EP400: variants seen among roughly 807,000 people sequenced by gnomAD.
The protein encoded by EP400 is E1A-binding protein p400.
EP400 carries 105 observed loss-of-function variants against 354.1 expected under a neutral mutation model. The ratio of observed to expected loss-of-function variants is 0.30; its 90% CI spans 0.25 to 0.35. The LOEUF (loss-of-function observed/expected upper bound fraction) is 0.35. EP400 is among the 10% of genes least tolerant of loss of function. The probability of loss-of-function intolerance (pLI) is 1.00; values close to 1 mark genes in which losing one functional copy is unlikely to be tolerated. For missense variants in EP400, 3,280 were observed against 4,121.0 expected (o/e 0.80, Z 5.59); for synonymous variants, 1,646 against 1,716.9 (o/e 0.96, Z 1.02).
Position 132,031,450 on chromosome 12 carries a change from G to A in EP400, c.5755-503G>A, listed in dbSNP as rs888017490. ...ATGAGGGTGTTGGCGATGGGTGAGCGTAAGATGATAGTGGCTGCACAGAAG... is the reference window on the plus strand; with the variant it reads ...ATGAGGGTGTTGGCGATGGGTGAGCATAAGATGATAGTGGCTGCACAGAAG... On this transcript the variant is annotated intron_variant, in intron 29 of 52. Transcript: ENST00000389561. 12 of 499,648 alleles carry A rather than the reference G, an allele frequency of 2.4e-5. No homozygotes were observed. The East Asian group carries it at 2.7e-4, about 11-fold the overall frequency. The allele number at this position is 499,648 out of a possible 1,614,324, so 31.0% of individuals were successfully genotyped here.
At chr12:131,998,991 T>C (rs1232520607) in intron 12 of EP400, among the ~76,000 whole-genome samples, 1 of 151,282 alleles carries the variant, frequency 6.6e-6, no homozygotes, top group Non-Finnish European at 1.5e-5. Context: ...TTTATACTAC[T>C]TTTTCTTGCC....
At chr12:131,991,317 TG>T in intron 9 of EP400, 89 bp from the exon 10 acceptor site, 1 of 1,294,786 alleles carries the variant, frequency 7.7e-7, no homozygotes, top group Non-Finnish European at 1.1e-6. Context: ...TGCACGTGGG[TG>T]GAGGCAGCAG....
At chr12:131,973,137 TA>T in intron 2 of EP400, among the ~76,000 whole-genome samples, 1 of 152,366 alleles carries the variant, frequency 6.6e-6, no homozygotes, top group African/African-American at 2.4e-5. Flanking sequence ...TGACTTCTAA[TA>T]ATTCTGTTTT....
chr12:132,072,565 G>T (rs1285257030), intron 51 of EP400, among the ~76,000 whole-genome samples: 1 of 152,166 alleles, frequency 6.6e-6, no homozygotes, highest in Non-Finnish European at 1.5e-5. Flanking sequence ...GTTGAAACTT[G>T]CTATCTAGTC....
In EP400 at chr12:132,018,314, G is replaced by A. The variant is rs1443757194; in HGVS notation, c.4215G>A (p.Glu1405=). 2 of 1,613,364 alleles carry A rather than the reference G, an allele frequency of 1.2e-6. No homozygotes were observed. The highest frequency in any genetic ancestry group is 2.2e-5 in the South Asian group (2 of 90,952). The change falls in exon 21 of 53, where the codon GAG becomes GAA. Residue 1405 remains glutamate, a synonymous_variant. Transcript: ENST00000389561. This position sits in a 1 kb window ranked among gnomAD's most constrained non-coding sequence, Gnocchi z 4.0. The part of the protein sequence containing the change: ...SKKKIPRKLM[E]EISTSAAPAA... ...AAAAGATACCGCGGAAACTCATGGA[G>A]GAAATCTCCACTTCAGCAGCCCCAG...
chr12:132,028,074 C>G lies in EP400; in HGVS notation c.5167C>G (p.Arg1723Gly). Residue 1723 changes from arginine to glycine, a missense_variant, in exon 27 of 53, where the codon CGG becomes GGG. Transcript: ENST00000389561. ...RLDQIYLVNE[R>G]RCSQAPVYGR... is the part of the protein sequence containing the mutation. ...GGATCAGATTTATTTAGTCAACGAG[C>G]GGCGCTGTTCTCAAGCTCCAGTCTA... 1 of 1,614,160 alleles carries G rather than the reference C, an allele frequency of 6.2e-7. No homozygotes were observed. The highest frequency in any genetic ancestry group is 8.5e-7 in the Non-Finnish European group (1 of 1,180,022).
chr12:132,044,591 A>G (rs1160281224), intron 35 of EP400, 80 bp from the exon 36 acceptor site: 6 of 1,527,480 alleles, frequency 3.9e-6, no homozygotes, highest in Non-Finnish European at 5.4e-6. Flanking sequence ...AGACTTAATG[A>G]GTATGAAGGT....
chr12:132,005,105 G>A lies in EP400; in HGVS notation c.2856G>A (p.Lys952=). ...EAELPLLDLM[K]LYEGAFLPSS... is the part of the protein sequence containing the mutation. Reference sequence around the variant, plus strand: ...AGCTGCCCCTCCTGGACCTGATGAAGCTGTACGAAGGCGCCTTCCTGCCGA... The same window carrying A: ...AGCTGCCCCTCCTGGACCTGATGAAACTGTACGAAGGCGCCTTCCTGCCGA... Residue 952 remains lysine, a synonymous_variant, in exon 13 of 53, where the codon AAG becomes AAA. Coordinates refer to ENST00000389561, the MANE Select transcript of EP400 (RefSeq NM_015409.5). 1 of 1,588,648 alleles carries A rather than the reference G, an allele frequency of 6.3e-7. No homozygotes were observed.
chr12:131,970,489 T>C (rs1892252193), intron 2 of EP400, among the ~76,000 whole-genome samples: 1 of 152,190 alleles, frequency 6.6e-6, no homozygotes, highest in East Asian at 1.9e-4. Context: ...CCAGGACACA[T>C]GTGCAGTAAT....
At chr12:132,048,339 A>G (rs965455960) in intron 39 of EP400, among the ~76,000 whole-genome samples, 2 of 152,218 alleles carry the variant, frequency 1.3e-5, no homozygotes, top group East Asian at 3.9e-4. Context: ...TAAAAGTATT[A>G]ATTTGGGGAA....
intron 9 of EP400, 72 bp from the exon 10 acceptor site, chr12:131,991,335 G>T: frequency 6.5e-7 from 1 of 1,527,820 alleles, no homozygotes. Context: ...GCAGGACCCT[G>T]CCTGGAAAGC....
At chr12:132,009,830 ATTTTTTTTTTTT>A (rs35513772) in intron 15 of EP400, among the ~76,000 whole-genome samples, 1 of 79,722 alleles carries the variant, frequency 1.3e-5, no homozygotes, top group African/African-American at 6.2e-5. Context: ...CGCCTGGCTA[ATTTTTTTTTTTT>A]TTTTTTTTTT....
chr12:132,012,477 A>T (rs1893798494), intron 16 of EP400, among the ~76,000 whole-genome samples: 1 of 152,168 alleles, frequency 6.6e-6, no homozygotes, highest in Non-Finnish European at 1.5e-5. Flanking sequence ...CAGCCCTTTC[A>T]TACTGCACAA....
intron 2 of EP400, among the ~76,000 whole-genome samples, chr12:131,971,144 C>CA (rs1378220588): frequency 6.6e-6 from 1 of 152,086 alleles, no homozygotes; most frequent in Non-Finnish European, 1.5e-5. Context: ...GTTGAGGCTG[C>CA]AGTGAGCTGT....
At chr12:131,963,567 G>T (rs1267686676) in intron 2 of EP400, 9 of 1,598,422 alleles carry the variant, frequency 5.6e-6, no homozygotes, top group Non-Finnish European at 7.6e-6. Context: ...GGCAGACTGG[G>T]ACTCCCGTTG....
chr12:132,051,700 A>G (rs1464002625), intron 41 of EP400, among the ~76,000 whole-genome samples: 1 of 152,204 alleles, frequency 6.6e-6, no homozygotes, highest in African/African-American at 2.4e-5. Flanking sequence ...TGACCACTGA[A>G]GCACAGCATC....
intron 15 of EP400, among the ~76,000 whole-genome samples, chr12:132,010,568 C>G (rs913515808): frequency 6.6e-6 from 1 of 152,204 alleles, no homozygotes; most frequent in Non-Finnish European, 1.5e-5. Flanking sequence ...TCTGCTAAGT[C>G]TGTCTTGTAA....
chr12:132,053,649 C>T lies in EP400; in HGVS notation c.7728+52C>T, dbSNP rs143447114. On this transcript the variant is annotated intron_variant, in intron 43 of 52. Coordinates refer to ENST00000389561, the MANE Select transcript of EP400 (RefSeq NM_015409.5). ...CCCCTCTACGGGAAGTCACCCACAC[C>T]TGCACTTGATTCAAGTGCTTTCTGT... 90 of 1,448,130 alleles carry T rather than the reference C, an allele frequency of 6.2e-5. No individual in the cohort carries two copies. The African/African-American group carries it at 1.1e-3, about 17-fold the overall frequency. The allele number at this position is 1,448,130 out of a possible 1,614,324, so 89.7% of individuals were successfully genotyped here.
intron 27 of EP400, among the ~76,000 whole-genome samples, chr12:132,028,700 C>G (rs80216452): frequency 6.6e-6 from 1 of 152,166 alleles, no homozygotes; most frequent in Non-Finnish European, 1.5e-5. Context: ...TAATGGAGAG[C>G]AAATCTGAGC....
Sources: allele counts gnomAD v4.1 joint callset (sites outside exome capture counted in the v4.1 genomes callset), GRCh38; gene constraint gnomAD v4.1.1; non-coding constraint Gnocchi (gnomAD v3.1); transcripts MANE v1.5; gene names NCBI Gene and HGNC (gene_info 2026-07-23, HGNC 2026-07-21).